Variants in RAPGEF1 observed in about 807,000 individuals in gnomAD.
RAPGEF1 encodes Rap guanine nucleotide exchange factor 1.
A neutral mutation model predicts 143.3 loss-of-function variants in RAPGEF1; 33 were observed. The ratio of observed to expected loss-of-function variants is 0.23; its 90% CI spans 0.17 to 0.31. RAPGEF1 has a LOEUF of 0.31. Among genes scored for constraint, RAPGEF1 ranks in the 10% least tolerant of loss-of-function variants. The pLI, the probability that RAPGEF1 is intolerant of heterozygous loss-of-function variation, is 1.00. For missense variants in RAPGEF1, 1,199 were observed against 1,645.4 expected, an observed-to-expected ratio of 0.73 and a Z score of 4.69; for synonymous variants, 629 against 676.5, an observed-to-expected ratio of 0.93 and a Z score of 1.09.
At chr9:131,653,064 C>T (rs541896507) in intron 1 of RAPGEF1, among the ~76,000 whole-genome samples, 9 of 152,260 alleles carry the variant, frequency 5.9e-5, no homozygotes, top group African/African-American at 2.2e-4. Context: ...ACTGAAATGT[C>T]GTTATGCAGA....
intron 1 of RAPGEF1, among the ~76,000 whole-genome samples, chr9:131,714,392 G>C (rs1162881327): frequency 6.6e-6 from 1 of 151,474 alleles, no homozygotes. Context: ...CCTGTAATGT[G>C]CACACTCACC....
At chr9:131,737,217 T>C (rs985784677) in intron 1 of RAPGEF1, among the ~76,000 whole-genome samples, 3 of 152,180 alleles carry the variant, frequency 2.0e-5, no homozygotes, top group Non-Finnish European at 4.4e-5. Context: ...ACTCTTACTT[T>C]TTCTGCTTCT....
At chr9:131,734,950 G>A (rs75681655) in intron 1 of RAPGEF1, among the ~76,000 whole-genome samples, 6,374 of 152,328 alleles carry the variant, frequency 0.042, 164 homozygotes, top group Middle Eastern at 0.061. Flanking sequence ...ACTGCTCCAA[G>A]GTGACAGGAG....
chr9:131,718,349 G>A (rs974135191), intron 1 of RAPGEF1, among the ~76,000 whole-genome samples: 1 of 152,220 alleles, frequency 6.6e-6, no homozygotes, highest in South Asian at 2.1e-4. Flanking sequence ...CGCTTCACAT[G>A]TGTGGGGAAG....
chr9:131,643,897 A>G (rs1288608043), intron 3 of RAPGEF1, among the ~76,000 whole-genome samples: 1 of 152,166 alleles, frequency 6.6e-6, no homozygotes, highest in Non-Finnish European at 1.5e-5. Flanking sequence ...GCTGAAACCC[A>G]TTCCCTCAGG....
At chr9:131,600,610 C>T (rs10793889) in intron 15 of RAPGEF1, among the ~76,000 whole-genome samples, 45,029 of 152,006 alleles carry the variant, frequency 0.3, 6,931 homozygotes, top group East Asian at 0.38. Context: ...ACCATTCATG[C>T]TGAGCCCTGA....
Position 131,582,638 on chromosome 9 carries a change from A to G in RAPGEF1, c.3479T>C (p.Leu1160Pro). 1 of 1,531,792 alleles carries G rather than the reference A, an allele frequency of 6.5e-7. No individual in the cohort carries two copies. The allele number at this position is 1,531,792 out of a possible 1,614,324, so 94.9% of individuals were successfully genotyped here. The change falls in exon 25 of 27, where the codon CTC becomes CCC. Residue 1160 changes from leucine (L) to proline (P), a missense_variant. This residue lies in a region of RAPGEF1 where 209 missense variants were observed against 403.0 expected (regional missense o/e 0.52). Transcript: ENST00000683357. The part of the protein sequence containing the change: ...SSSFRAYRAA[L>P]SEVEPPCIPY... ...GATGCACGGCGGTTCCACCTCCGAGAGGGCGGCCCGGTAGGCTCGGAAGGA... is the reference window on the plus strand; with the variant it reads ...GATGCACGGCGGTTCCACCTCCGAGGGGGCGGCCCGGTAGGCTCGGAAGGA...
chr9:131,602,749 C>A (rs1956471018), intron 14 of RAPGEF1, among the ~76,000 whole-genome samples: 1 of 152,252 alleles, frequency 6.6e-6, no homozygotes, highest in African/African-American at 2.4e-5. Flanking sequence ...AGCTCTCAGG[C>A]CCTGGGGTGC....
At chr9:131,702,934 A>G (rs971299266) in intron 1 of RAPGEF1, among the ~76,000 whole-genome samples, 2 of 152,364 alleles carry the variant, frequency 1.3e-5, no homozygotes, top group Admixed American at 6.5e-5. Flanking sequence ...TACGATGACA[A>G]TTCTATGAAA....
intron 1 of RAPGEF1, among the ~76,000 whole-genome samples, chr9:131,682,783 A>G (rs1833024507): frequency 6.6e-6 from 1 of 152,200 alleles, no homozygotes; most frequent in South Asian, 2.1e-4. Context: ...TACCTGTGAA[A>G]TAACTATTCA....
rs999226064 is a variant in RAPGEF1, at chr9:131,579,530, T to A, written c.3759A>T (p.Thr1253=). Residue 1253 remains threonine, a synonymous_variant, in exon 27 of 27, where the codon ACA becomes ACT. Coordinates refer to ENST00000683357, the MANE Select transcript of RAPGEF1 (RefSeq NM_001377935.1). ...LSLKIKPRNI[T]RRKTDREEKT Reference sequence around the variant, plus strand: ...TCTCTTCCCGGTCTGTTTTTCTCCTTGTTATGTTCCTGGGTTTAATTTTCA... The same window carrying A: ...TCTCTTCCCGGTCTGTTTTTCTCCTAGTTATGTTCCTGGGTTTAATTTTCA... 6 of 1,613,992 alleles carry A rather than the reference T, an allele frequency of 3.7e-6. No homozygotes were observed. Among genetic ancestry groups the A allele is most frequent in the Non-Finnish European group, 4.2e-6 (5 of 1,179,866 alleles).
At chr9:131,589,684 G>C (rs985763544) in intron 19 of RAPGEF1, among the ~76,000 whole-genome samples, 3 of 152,160 alleles carry the variant, frequency 2.0e-5, no homozygotes, top group African/African-American at 7.2e-5. Context: ...GACCTCATGA[G>C]GAAATCCAGG....
intron 4 of RAPGEF1, among the ~76,000 whole-genome samples, chr9:131,642,170 A>G (rs1294909232): frequency 6.6e-6 from 1 of 152,252 alleles, no homozygotes; most frequent in Non-Finnish European, 1.5e-5. Context: ...AATACAGGAC[A>G]AGCTGCTAGC....
chr9:131,612,446 T>G (rs1351377624), intron 12 of RAPGEF1, among the ~76,000 whole-genome samples: 1 of 152,208 alleles, frequency 6.6e-6, no homozygotes, highest in African/African-American at 2.4e-5. Context: ...TGGTTGCTTT[T>G]GAAAGCCCCC....
chr9:131,633,911 T>A (rs575450596), intron 5 of RAPGEF1, among the ~76,000 whole-genome samples: 2 of 152,198 alleles, frequency 1.3e-5, no homozygotes, highest in African/African-American at 4.8e-5. Flanking sequence ...CTACTGAAGG[T>A]AGAATTTTTT....
Position 131,641,195 on chromosome 9 carries a change from G to A in RAPGEF1, c.494+2044C>T, listed in dbSNP as rs964255414. Reference sequence around the variant, plus strand: ...TCTAGCAGCAATACACTCTGGGTGTGAGGGTCCAGGGGACGCTATCCTGGA... The same window carrying A: ...TCTAGCAGCAATACACTCTGGGTGTAAGGGTCCAGGGGACGCTATCCTGGA... On this transcript the variant is annotated intron_variant, in intron 4 of 26. Transcript: ENST00000683357. The surrounding 1 kb of genome is among the most constrained non-coding windows in gnomAD (Gnocchi z 4.6). 6.6e-6 allele frequency among the ~76,000 whole-genome samples: 1 copy of A among 152,186 alleles called. No individual in the cohort carries two copies. Among genetic ancestry groups the A allele is most frequent in the African/African-American group, 2.4e-5 (1 of 41,430 alleles).
Position 131,580,178 on chromosome 9 carries a change from C to A in RAPGEF1, c.3641+85G>T, listed in dbSNP as rs889119259. ...GTCCCTGGGTCCTCTGTGGCTCCCC[C>A]TCCCCTCGGTGTCCCGGGCTGTCTC... is the stretch of plus-strand genomic sequence containing the variant. On this transcript the variant is annotated intron_variant, in intron 26 of 26. Transcript: ENST00000683357. 1.3e-5 allele frequency: 20 copies of A among 1,544,894 alleles called. No individual in the cohort carries two copies. The South Asian group carries it at 1.6e-4, about 13-fold the overall frequency.
chr9:131,650,949 T>G lies in RAPGEF1; in HGVS notation c.62A>C (p.Asp21Ala). The stretch of plus-strand genomic sequence containing the variant: ...GGAAGAGAGATGAGAACGCTGAGAG[T>G]CTGAAAACAAAGAGGGTACTGACTG... ...PEMSGKIEKA[D>A]SQRSHLSSFT... Residue 21 changes from aspartate (D) to alanine (A), a missense_variant and splice_region_variant, in exon 2 of 27, where the codon GAC (aspartate) becomes GCC (alanine). Physicochemically the swap from Asp to Ala is moderately radical, Grantham distance 126 (BLOSUM62 -2). Coordinates refer to ENST00000683357, the MANE Select transcript of RAPGEF1 (RefSeq NM_001377935.1). The surrounding 1 kb of genome is among the most constrained non-coding windows in gnomAD (Gnocchi z 4.7). 3.1e-6 allele frequency: 5 copies of G among 1,613,322 alleles called. No individual in the cohort carries two copies. The highest frequency in any genetic ancestry group is 4.2e-6 in the Non-Finnish European group (5 of 1,179,656).
intron 13 of RAPGEF1, 86 bp from the exon 14 acceptor site, chr9:131,604,139 C>A (rs1440374577): frequency 6.2e-6 from 5 of 801,370 alleles, no homozygotes; most frequent in Non-Finnish European, 9.2e-6. Flanking sequence ...CCACAGCCTG[C>A]ACTCTGGTCT....
Sources: allele counts gnomAD v4.1 joint callset (sites outside exome capture counted in the v4.1 genomes callset), GRCh38; gene constraint gnomAD v4.1.1; regional missense constraint gnomAD v4.1.1; non-coding constraint Gnocchi (gnomAD v3.1); transcripts MANE v1.5; gene names NCBI Gene and HGNC (gene_info 2026-07-23, HGNC 2026-07-21).